Variants in ERC2 observed in about 807,000 individuals in gnomAD.
ERC2 encodes the protein ELKS/RAB6-interacting/CAST family member 2.
Under a neutral mutation model 114.8 loss-of-function variants are expected in ERC2, and 42 were observed. The ratio of observed to expected loss-of-function variants is 0.37; its 90% confidence interval spans 0.29 to 0.47. ERC2 has a LOEUF of 0.47. Ranked by LOEUF, ERC2 falls within the 20% of genes least tolerant of loss-of-function variation. ERC2 has a pLI of 0.99. For synonymous variants in ERC2, 454 were observed against 425.5 expected, an observed-to-expected ratio of 1.07 and a Z score of -0.82; for missense variants, 939 against 1,150.7, an observed-to-expected ratio of 0.82 and a Z score of 2.66.
At chr3:55,640,403 C>T (rs1276236122) in intron 17 of ERC2, among the ~76,000 whole-genome samples, 6 of 152,192 alleles carry the variant, frequency 3.9e-5, no homozygotes, top group African/African-American at 1.4e-4. Context: ...AAGAGAAACC[C>T]CACAGACAGC....
chr3:56,251,793 C>A (rs1405984590), intron 3 of ERC2, among the ~76,000 whole-genome samples: 3 of 152,212 alleles, frequency 2.0e-5, no homozygotes, highest in African/African-American at 7.2e-5. Context: ...TAAACGGAGA[C>A]GTGGCATTCC....
intron 13 of ERC2, among the ~76,000 whole-genome samples, chr3:55,918,873 T>C (rs2065256197): frequency 6.6e-6 from 1 of 151,172 alleles, no homozygotes; most frequent in Admixed American, 6.7e-5. Context: ...GTGTAAATCA[T>C]TATTTTAAGC....
chr3:56,238,058 T>C (rs1422138176), intron 3 of ERC2, among the ~76,000 whole-genome samples: 1 of 152,196 alleles, frequency 6.6e-6, no homozygotes, highest in African/African-American at 2.4e-5. Context: ...CCAGAGGGAC[T>C]CTTGTCCTGG....
In ERC2 at chr3:55,648,056, A is replaced by C. The variant is rs80094925; in HGVS notation, c.*39+35738T>G. ...TACAGCAAGACGATGGGGCCATAAG[A>C]AGGAGGCAGGGCCAGCTGAGCTTCC... On this transcript the variant is annotated intron_variant, in intron 17 of 17. Transcript: ENST00000288221. 6.1e-3 allele frequency among the ~76,000 whole-genome samples: 926 copies of C among 152,266 alleles called. 10 individuals are homozygous for C. Among genetic ancestry groups the C allele is most frequent in the Middle Eastern group, 0.02 (6 of 294 alleles).
At chr3:56,191,954 C>T (rs536866210) in intron 3 of ERC2, among the ~76,000 whole-genome samples, 2 of 152,102 alleles carry the variant, frequency 1.3e-5, no homozygotes, top group Non-Finnish European at 2.9e-5. Context: ...TAACTATAGT[C>T]AATATTTCAG....
At chr3:56,087,920 T>TA in intron 6 of ERC2, among the ~76,000 whole-genome samples, 1 of 152,198 alleles carries the variant, frequency 6.6e-6, no homozygotes, top group Middle Eastern at 3.4e-3. Flanking sequence ...ACACAAACAC[T>TA]AAAAATAACC....
rs2057375197 is a variant in ERC2, at chr3:55,583,399, T to TCCTTCC, written c.*40-72124_*40-72123insGGAAGG. The stretch of plus-strand genomic sequence containing the variant: ...CTTTCCTTCTTTCTTTCCTTCCTTC[T>TCCTTCC]TTCCTTCCTTCCTTCCTTCCTTCCT... On this transcript the variant is annotated intron_variant, in intron 17 of 17. Transcript: ENST00000288221. Among the ~76,000 whole-genome samples, 53 of 87,074 alleles carry TCCTTCC rather than the reference T, an allele frequency of 6.1e-4. No homozygotes were observed. In the East Asian group the frequency reaches 0.014, roughly 23 times the overall value. 57.1% of individuals were successfully genotyped at this position (87,074 alleles called of 152,430 possible).
chr3:56,320,210 A>G (rs1429592601), intron 2 of ERC2, among the ~76,000 whole-genome samples: 3 of 152,220 alleles, frequency 2.0e-5, no homozygotes, highest in African/African-American at 7.2e-5. Flanking sequence ...GATTTCAAAA[A>G]CAACCATAGA....
intron 13 of ERC2, among the ~76,000 whole-genome samples, chr3:55,905,601 G>A (rs1407933128): frequency 1.3e-5 from 2 of 152,034 alleles, no homozygotes; most frequent in East Asian, 3.9e-4. Flanking sequence ...ACACCTATAA[G>A]CATTGACTTC....
At chr3:55,761,813 T>G (rs1165246045) in intron 14 of ERC2, among the ~76,000 whole-genome samples, 4 of 151,210 alleles carry the variant, frequency 2.6e-5, no homozygotes, top group African/African-American at 9.7e-5. Context: ...GAGTTGGAGC[T>G]TGCAGTGAGC....
At chr3:56,021,282 G>A (rs1429819358) in intron 7 of ERC2, among the ~76,000 whole-genome samples, 3 of 152,072 alleles carry the variant, frequency 2.0e-5, no homozygotes, top group Non-Finnish European at 4.4e-5. Context: ...GGTCTAGGAG[G>A]CAGAAGGAAG....
intron 4 of ERC2, among the ~76,000 whole-genome samples, chr3:56,167,713 C>T (rs2082396297): frequency 6.6e-6 from 1 of 152,092 alleles, no homozygotes; most frequent in Non-Finnish European, 1.5e-5. Context: ...TAAATGCACA[C>T]TGCACATCAA....
At chr3:55,700,861 C>T (rs1462618029) in intron 15 of ERC2, among the ~76,000 whole-genome samples, 1 of 152,112 alleles carries the variant, frequency 6.6e-6, no homozygotes, top group Non-Finnish European at 1.5e-5. Flanking sequence ...TAGGGCCTAG[C>T]AGATGTAGAT....
intron 15 of ERC2, among the ~76,000 whole-genome samples, chr3:55,724,201 T>C (rs1157993218): frequency 6.6e-6 from 1 of 152,114 alleles, no homozygotes; most frequent in Non-Finnish European, 1.5e-5. Flanking sequence ...TCTCCCCTAG[T>C]GGCAACCGGT....
intron 13 of ERC2, among the ~76,000 whole-genome samples, chr3:55,918,241 T>C (rs1354287916): frequency 6.6e-6 from 1 of 151,878 alleles, no homozygotes; most frequent in Non-Finnish European, 1.5e-5. Flanking sequence ...TATCTAGGAG[T>C]AAGAGGAATC....
chr3:56,093,676 T>C (rs1280266059), intron 6 of ERC2, among the ~76,000 whole-genome samples: 3 of 152,214 alleles, frequency 2.0e-5, no homozygotes, highest in East Asian at 1.9e-4. Context: ...TGTATTTTCA[T>C]TTAGTACATA....
At chr3:56,168,489 C>T (rs938300688) in intron 4 of ERC2, among the ~76,000 whole-genome samples, 1 of 152,194 alleles carries the variant, frequency 6.6e-6, no homozygotes, top group Non-Finnish European at 1.5e-5. Flanking sequence ...GTAGGCCCTA[C>T]AGTCAAAGAA....
chr3:55,767,346 T>C (rs990799532), intron 14 of ERC2, among the ~76,000 whole-genome samples: 3 of 152,176 alleles, frequency 2.0e-5, no homozygotes, highest in African/African-American at 7.2e-5. Context: ...CAAAGTGGCA[T>C]GTTTCAGATG....
intron 4 of ERC2, among the ~76,000 whole-genome samples, chr3:56,152,455 C>G (rs2081470494): frequency 6.6e-6 from 1 of 151,900 alleles, no homozygotes; most frequent in Admixed American, 6.6e-5. Context: ...AGCCTGCCAG[C>G]TTCTGTCACT....
Sources: allele counts gnomAD v4.1 joint callset (sites outside exome capture counted in the v4.1 genomes callset), GRCh38; gene constraint gnomAD v4.1.1; transcripts MANE v1.5; gene names NCBI Gene and HGNC (gene_info 2026-07-23, HGNC 2026-07-21).